The following DTNBP1 variants were observed in gnomAD, a reference collection of about 807,000 sequenced individuals.
DTNBP1 encodes the protein dystrobrevin binding protein 1.
In DTNBP1, 35 loss-of-function variants were observed where a neutral mutation model predicts 42.8. The ratio of observed to expected loss-of-function variants is 0.82; its 90% CI spans 0.63 to 1.09. DTNBP1 has a LOEUF of 1.09. Ranked by LOEUF, DTNBP1 falls within the 50% of genes least tolerant of loss-of-function variation. The pLI, the probability that DTNBP1 is intolerant of heterozygous loss-of-function variation, is 0.00. For missense variants in DTNBP1, 457 were observed against 424.2 expected (o/e 1.08, Z -0.68); for synonymous variants, 171 against 162.2 (o/e 1.05, Z -0.41).
Position 15,662,811 on chromosome 6 carries a change from C to A in DTNBP1, c.56+3G>T. ...CCCTTTTCGTCGCCCACCGTATACC[C>A]ACCCGGAGGTGAAATCCTGCTGCAC... On this transcript the variant is annotated splice_donor_region_variant and intron_variant, in intron 1 of 9. Coordinates refer to ENST00000344537, the MANE Select transcript of DTNBP1 (RefSeq NM_032122.5). 6.2e-7 allele frequency: 1 copy of A among 1,612,038 alleles called. No individual in the cohort carries two copies.
rs190296920 is a variant in DTNBP1, at chr6:15,637,409, T to A, written c.222+335A>T. ...TTCTTAAATAGTGTAGAAAGAGATG[T>A]CTTATATAGGGTATAAAGAGATGTC... On this transcript the variant is annotated intron_variant, in intron 4 of 9. Coordinates refer to ENST00000344537, the MANE Select transcript of DTNBP1 (RefSeq NM_032122.5). Among the ~76,000 whole-genome samples, 572 of 152,278 alleles carry A rather than the reference T, an allele frequency of 3.8e-3. 5 individuals carry two copies. The highest frequency in any genetic ancestry group is 0.013 in the African/African-American group (554 of 41,554).
At chr6:15,597,940 T>C (rs943327920) in intron 6 of DTNBP1, among the ~76,000 whole-genome samples, 2 of 152,248 alleles carry the variant, frequency 1.3e-5, no homozygotes, top group African/African-American at 2.4e-5. Flanking sequence ...TTTATTTCCA[T>C]AGTTTAATAG....
chr6:15,652,371 G>A (rs1007085733), intron 1 of DTNBP1, among the ~76,000 whole-genome samples: 3 of 151,752 alleles, frequency 2.0e-5, no homozygotes, highest in African/African-American at 4.8e-5. Context: ...TAGTGGAGAC[G>A]GAGTCTTGCT....
At chr6:15,532,585 AC>A (rs1424192758) in intron 8 of DTNBP1, among the ~76,000 whole-genome samples, 1 of 151,918 alleles carries the variant, frequency 6.6e-6, no homozygotes, top group Non-Finnish European at 1.5e-5. Context: ...GAAAGAACAC[AC>A]GAAAAGCAGT....
rs543055395 is a variant in DTNBP1, at chr6:15,587,302, C to T, written c.511+5757G>A. On this transcript the variant is annotated intron_variant, in intron 7 of 9. Coordinates refer to ENST00000344537, the MANE Select transcript of DTNBP1 (RefSeq NM_032122.5). The surrounding 1 kb of genome is among the most constrained non-coding windows in gnomAD (Gnocchi z 4.1). Reference sequence around the variant, plus strand: ...GTTCATGGATTGAAAGACTCACTATCATTAAGATGACAATTTTCCCCAAAT... The same window carrying T: ...GTTCATGGATTGAAAGACTCACTATTATTAAGATGACAATTTTCCCCAAAT... 2.6e-5 allele frequency among the ~76,000 whole-genome samples: 4 copies of T among 152,274 alleles called. No homozygotes were observed. The highest frequency in any genetic ancestry group is 7.2e-5 in the African/African-American group (3 of 41,564).
rs754516188 is a variant in DTNBP1, at chr6:15,533,364, G to A, written c.543C>T (p.Val181=). ...AELDAEHAQK[V]LEMEHTQQMK... The stretch of plus-strand genomic sequence containing the variant: ...TTTGCTGGGTGTGCTCCATTTCCAG[G>A]ACCTTCTGGGCGTGCTCTGCATCTA... Residue 181 remains valine, a synonymous_variant, in exon 8 of 10, where the codon GTC becomes GTT. Coordinates refer to ENST00000344537, the MANE Select transcript of DTNBP1 (RefSeq NM_032122.5). 1.4e-5 allele frequency: 22 copies of A among 1,614,208 alleles called. No individual in the cohort carries two copies. The highest frequency in any genetic ancestry group is 1.7e-5 in the Non-Finnish European group (20 of 1,180,046).
At chr6:15,640,114 G>T (rs1020444381) in intron 3 of DTNBP1, among the ~76,000 whole-genome samples, 1 of 151,998 alleles carries the variant, frequency 6.6e-6, no homozygotes, top group Non-Finnish European at 1.5e-5. Flanking sequence ...CTACTTTTAC[G>T]ACATGAAGCA....
At chr6:15,585,724 T>A in intron 7 of DTNBP1, 1 of 1,535,146 alleles carries the variant, frequency 6.5e-7, no homozygotes, top group East Asian at 2.4e-5. Context: ...CCTACAGGGA[T>A]CCCTCTGACT....
intron 7 of DTNBP1, among the ~76,000 whole-genome samples, chr6:15,589,729 G>A (rs140174535): frequency 1.2e-3 from 180 of 152,250 alleles, no homozygotes; most frequent in African/African-American, 4.0e-3. Flanking sequence ...TAGGAAAAGA[G>A]ACATCCCTGG....
chr6:15,653,050 C>T (rs1178083214), intron 1 of DTNBP1, among the ~76,000 whole-genome samples: 3 of 152,100 alleles, frequency 2.0e-5, no homozygotes, highest in Non-Finnish European at 2.9e-5. Context: ...TAGGAGAAAT[C>T]GATAGGTAAC....
chr6:15,629,852 C>T (rs1420659421), intron 4 of DTNBP1, among the ~76,000 whole-genome samples: 2 of 152,014 alleles, frequency 1.3e-5, no homozygotes, highest in Non-Finnish European at 2.9e-5. Context: ...AATCAACCTA[C>T]TAGGGATTGT....
chr6:15,564,328 A>C (rs1774970911), intron 7 of DTNBP1, among the ~76,000 whole-genome samples: 1 of 150,702 alleles, frequency 6.6e-6, no homozygotes. Flanking sequence ...TAAAGAACTT[A>C]CACAAAATAA....
intron 7 of DTNBP1, among the ~76,000 whole-genome samples, chr6:15,579,677 C>T (rs1050565910): frequency 3.3e-5 from 5 of 152,178 alleles, no homozygotes; most frequent in East Asian, 1.9e-4. Flanking sequence ...TGGTGGCAGG[C>T]GCCTGTAATC....
intron 8 of DTNBP1, among the ~76,000 whole-genome samples, chr6:15,526,061 A>G (rs1377551621): frequency 6.6e-6 from 1 of 152,254 alleles, no homozygotes; most frequent in Admixed American, 6.5e-5. Flanking sequence ...CTCATGAACA[A>G]CAATAATAAA....
intron 8 of DTNBP1, 130 bp from the exon 9 acceptor site, chr6:15,524,799 T>C: frequency 1.4e-6 from 2 of 1,384,984 alleles, no homozygotes; most frequent in South Asian, 1.3e-5. Context: ...TGAAGCAACG[T>C]ATTAGTAGAT....
chr6:15,655,251 A>G (rs1156877153), intron 1 of DTNBP1, among the ~76,000 whole-genome samples: 1 of 151,996 alleles, frequency 6.6e-6, no homozygotes, highest in African/African-American at 2.4e-5. Flanking sequence ...CCTCTCAAGT[A>G]GCTGGGACTA....
At chr6:15,534,311 T>C (rs956748182) in intron 7 of DTNBP1, among the ~76,000 whole-genome samples, 4 of 152,188 alleles carry the variant, frequency 2.6e-5, no homozygotes, top group Admixed American at 1.3e-4. Context: ...ATGAATTCTA[T>C]GTACACATAA....
At chr6:15,523,484 AC>A (rs1348410767) in intron 9 of DTNBP1, 5 of 1,246,028 alleles carry the variant, frequency 4.0e-6, no homozygotes, top group Non-Finnish European at 5.2e-6. Flanking sequence ...AGGCTGTAAT[AC>A]GCGTGTAATA....
At position 15,590,177 on chromosome 6, in the gene DTNBP1, G is replaced by A. The variant is rs147297910; in HGVS notation, c.511+2882C>T. On this transcript the variant is annotated intron_variant, in intron 7 of 9. Coordinates refer to ENST00000344537, the MANE Select transcript of DTNBP1 (RefSeq NM_032122.5). Reference sequence around the variant, plus strand: ...TCGAATGCCTGACCTCAAGTGATCCGCTTGCCTCAGCCTTCCAAAGTGCTA... The same window carrying A: ...TCGAATGCCTGACCTCAAGTGATCCACTTGCCTCAGCCTTCCAAAGTGCTA... 1.9e-3 allele frequency among the ~76,000 whole-genome samples: 294 copies of A among 152,208 alleles called. 4 individuals are homozygous for A. In the Middle Eastern group the frequency reaches 0.024, roughly 12 times the overall value.
Sources: gnomAD v4.1 joint callset for allele counts (sites outside exome capture counted in the v4.1 genomes callset) on GRCh38, gnomAD v4.1.1 for gene constraint, Gnocchi (gnomAD v3.1) non-coding constraint, MANE v1.5 for transcripts, NCBI Gene and HGNC (gene_info 2026-07-23, HGNC 2026-07-21) for gene names.